SPACA7: variants seen among roughly 807,000 people sequenced by gnomAD.
SPACA7 encodes sperm acrosome associated 7, also known as sperm acrosome-associated protein 7.
In SPACA7, 19 loss-of-function variants were observed where a neutral mutation model predicts 26.3. The observed-to-expected ratio is 0.72, with a 90% confidence interval of 0.50 to 1.06. SPACA7 has a LOEUF of 1.06. Ranked by LOEUF, SPACA7 falls within the 50% of genes least tolerant of loss-of-function variation. SPACA7 has a pLI of 0.00. For missense variants in SPACA7, 211 were observed against 229.9 expected (o/e 0.92, Z 0.53); for synonymous variants, 84 against 84.5 (o/e 0.99, Z 0.04).
intron 1 of SPACA7, chr13:112,382,151 A>T (rs533809868): frequency 5.9e-6 from 2 of 338,690 alleles, no homozygotes; most frequent in African/African-American, 4.2e-5. Context: ...AGCAAGAGGG[A>T]GTCAGTTAAG....
At chr13:112,408,184 A>T (rs1886113694) in intron 5 of SPACA7, among the ~76,000 whole-genome samples, 1 of 152,138 alleles carries the variant, frequency 6.6e-6, no homozygotes, top group South Asian at 2.1e-4. Context: ...CATGCTAAAA[A>T]CTCTCAATAA....
At chr13:112,380,246 C>G (rs941400380) in intron 1 of SPACA7, among the ~76,000 whole-genome samples, 5 of 151,912 alleles carry the variant, frequency 3.3e-5, no homozygotes, top group Admixed American at 1.3e-4. Context: ...GAAACCCCAT[C>G]TCTACAAAAT....
rs771352916 is a variant in SPACA7 at position 112,434,454 on chromosome 13, G to A, written c.524-31G>A. On this transcript the variant is annotated intron_variant, in intron 6 of 6. Coordinates refer to ENST00000283550, the MANE Select transcript of SPACA7 (RefSeq NM_145248.5). ...CTCCATCTCCCTCATACCACACACT[G>A]CCAGTCTCAAAATCTCCTCTTTCCA... is the stretch of plus-strand genomic sequence containing the variant. 1.6e-5 allele frequency: 25 copies of A among 1,581,106 alleles called. No individual in the cohort carries two copies. The South Asian group carries it at 2.6e-4, about 17-fold the overall frequency.
At chr13:112,413,458 T>TC (rs1384092748) in intron 5 of SPACA7, among the ~76,000 whole-genome samples, 2 of 151,630 alleles carry the variant, frequency 1.3e-5, no homozygotes, top group Non-Finnish European at 2.9e-5. Context: ...GCCAGATGTA[T>TC]CAGAGCTTCT....
At chr13:112,416,437 C>T (rs188922919) in intron 5 of SPACA7, among the ~76,000 whole-genome samples, 2 of 152,040 alleles carry the variant, frequency 1.3e-5, no homozygotes, top group Non-Finnish European at 2.9e-5. Flanking sequence ...TAGGCACCTG[C>T]CACCATGCCT....
chr13:112,408,740 C>A (rs1050328011), intron 5 of SPACA7, among the ~76,000 whole-genome samples: 1 of 152,182 alleles, frequency 6.6e-6, no homozygotes, highest in Non-Finnish European at 1.5e-5. Flanking sequence ...GAAGAGCATT[C>A]CATGCCCATG....
At chr13:112,378,066 G>C (rs772523940) in intron 1 of SPACA7, among the ~76,000 whole-genome samples, 1 of 152,108 alleles carries the variant, frequency 6.6e-6, no homozygotes. Context: ...GGTTATGCTG[G>C]GGGCAGAGCG....
intron 1 of SPACA7, among the ~76,000 whole-genome samples, chr13:112,390,757 G>T (rs1417258803): frequency 6.6e-6 from 1 of 152,196 alleles, no homozygotes; most frequent in African/African-American, 2.4e-5. Context: ...AACAGCAAGG[G>T]GGACGCCAGC....
intron 5 of SPACA7, among the ~76,000 whole-genome samples, chr13:112,412,963 A>G (rs1886444586): frequency 6.6e-6 from 1 of 152,070 alleles, no homozygotes; most frequent in African/African-American, 2.4e-5. Context: ...AGAACAAACT[A>G]AAAATCCCTA....
chr13:112,420,188 T>TA (rs1023136767), intron 5 of SPACA7, among the ~76,000 whole-genome samples: 1 of 152,070 alleles, frequency 6.6e-6, no homozygotes, highest in African/African-American at 2.4e-5. Context: ...TGACATTCAA[T>TA]AAAAAATTAC....
intron 2 of SPACA7, among the ~76,000 whole-genome samples, chr13:112,395,365 G>C (rs1885174208): frequency 1.3e-5 from 2 of 152,258 alleles, no homozygotes; most frequent in African/African-American, 4.8e-5. Context: ...TTGCGCTTCG[G>C]CTGCCTGAGT....
chr13:112,381,321 C>A (rs930318135), intron 1 of SPACA7, among the ~76,000 whole-genome samples: 2 of 151,962 alleles, frequency 1.3e-5, no homozygotes. Context: ...GAAACCCCAT[C>A]TCTACCAAAA....
At chr13:112,424,419 G>A (rs1307329547) in intron 5 of SPACA7, among the ~76,000 whole-genome samples, 3 of 152,140 alleles carry the variant, frequency 2.0e-5, no homozygotes, top group Non-Finnish European at 4.4e-5. Context: ...GCTGGCCCGG[G>A]CCAGGGAGGA....
intron 1 of SPACA7, among the ~76,000 whole-genome samples, chr13:112,392,819 G>T (rs2274575): frequency 6.6e-6 from 1 of 152,024 alleles, no homozygotes; most frequent in Non-Finnish European, 1.5e-5. Flanking sequence ...CTGTTTCTCC[G>T]CATTTTCCAG....
At chr13:112,393,580 G>C (rs1420956940) in intron 2 of SPACA7, among the ~76,000 whole-genome samples, 3 of 152,260 alleles carry the variant, frequency 2.0e-5, no homozygotes, top group Non-Finnish European at 2.9e-5. Context: ...AGGCCGTGCT[G>C]GTTTGGCTGA....
At chr13:112,400,983 C>T in intron 4 of SPACA7, 86 bp from the exon 5 acceptor site, 1 of 961,730 alleles carries the variant, frequency 1.0e-6, no homozygotes, top group Non-Finnish European at 1.6e-6. Flanking sequence ...CTCAACTTAG[C>T]ATGTTTAAAT....
intron 5 of SPACA7, among the ~76,000 whole-genome samples, chr13:112,407,124 A>G (rs1292417886): frequency 3.3e-5 from 5 of 152,254 alleles, no homozygotes; most frequent in African/African-American, 1.2e-4. Context: ...ACTACTGGGT[A>G]CATAACAAAA....
intron 5 of SPACA7, among the ~76,000 whole-genome samples, chr13:112,404,804 G>C (rs185410671): frequency 1.3e-3 from 191 of 152,160 alleles, no homozygotes; most frequent in Middle Eastern, 3.4e-3. Flanking sequence ...GTACCATTCT[G>C]TTTGGGTGAC....
rs76125489 is a variant in SPACA7, at chr13:112,425,254, T to G, written c.446-7190T>G. On this transcript the variant is annotated intron_variant, in intron 5 of 6. Coordinates refer to ENST00000283550, the MANE Select transcript of SPACA7 (RefSeq NM_145248.5). ...AGAAACAGATGTGAGTCAGAGGGCA[T>G]GAGTTGAAAAAAAAGTTGAAGAAAA... Among the ~76,000 whole-genome samples the G allele has an allele frequency of 3.1e-4, 47 of 152,182 alleles. 1 individual carries two copies. The East Asian group carries it at 5.4e-3, about 18-fold the overall frequency.
Sources: allele counts gnomAD v4.1 joint callset (sites outside exome capture counted in the v4.1 genomes callset), GRCh38; gene constraint gnomAD v4.1.1; transcripts MANE v1.5; gene names NCBI Gene and HGNC (gene_info 2026-07-23, HGNC 2026-07-21).